INPP5A: variants seen among roughly 807,000 people sequenced by gnomAD.
INPP5A encodes the protein inositol polyphosphate-5-phosphatase A, also known as 43 kDa inositol polyphosphate 5-phophatase.
In INPP5A, 14 loss-of-function variants were observed where a neutral mutation model predicts 65.2. The observed-to-expected ratio is 0.21, with a 90% confidence interval of 0.14 to 0.34. The LOEUF is 0.34. Among genes scored for constraint, INPP5A ranks in the 10% least tolerant of loss-of-function variants. The pLI, the probability that INPP5A is intolerant of heterozygous loss-of-function variation, is 1.00. For synonymous variants in INPP5A, 207 were observed against 208.3 expected (o/e 0.99, Z 0.05); for missense variants, 431 against 545.6 (o/e 0.79, Z 2.09).
At chr10:132,751,502 G>A (rs112503818) in intron 11 of INPP5A, among the ~76,000 whole-genome samples, 22 of 152,356 alleles carry the variant, frequency 1.4e-4, no homozygotes, top group African/African-American at 4.8e-4. Flanking sequence ...CTCTGCCTGC[G>A]GGACTCTGGG....
Position 132,663,001 on chromosome 10 carries a change from TGTG to T in INPP5A, c.306+12501_306+12503del, listed in dbSNP as rs911663282. On this transcript the variant is annotated intron_variant, in intron 4 of 15. Transcript: ENST00000368594. The surrounding 1 kb of genome is among the most constrained non-coding windows in gnomAD (Gnocchi z 4.5). ...GCACTCTAGAAGGAAAATCTAGTCT[TGTG>T]GTGGATGGCTTGTGAGGGGTCAAAC... is the stretch of plus-strand genomic sequence containing the variant. Among the ~76,000 whole-genome samples, 4 of 152,136 alleles carry T rather than the reference TGTG, an allele frequency of 2.6e-5. No individual in the cohort carries two copies. The highest frequency in any genetic ancestry group is 7.2e-5 in the African/African-American group (3 of 41,430).
chr10:132,755,040 C>T (rs112148396), intron 11 of INPP5A, among the ~76,000 whole-genome samples: 2 of 149,990 alleles, frequency 1.3e-5, no homozygotes, highest in African/African-American at 4.9e-5. Flanking sequence ...TGTGTGTGAT[C>T]GTATGCATGT....
chr10:132,546,660 T>C lies in INPP5A; in HGVS notation c.75+8489T>C, dbSNP rs2070976808. On this transcript the variant is annotated intron_variant, in intron 1 of 15. Transcript: ENST00000368594. The surrounding 1 kb of genome is among the most constrained non-coding windows in gnomAD (Gnocchi z 5.7). The stretch of plus-strand genomic sequence containing the variant: ...CTGGATTGTCCTGGGCGTCTCTGTG[T>C]GGGGTCTCCTGGCTCCTGCAGATCT... Among the ~76,000 whole-genome samples, 3 of 152,142 alleles carry C rather than the reference T, an allele frequency of 2.0e-5. No individual in the cohort carries two copies. Among genetic ancestry groups the C allele is most frequent in the Non-Finnish European group, 4.4e-5 (3 of 68,002 alleles).
intron 8 of INPP5A, among the ~76,000 whole-genome samples, chr10:132,724,636 G>T (rs1252127261): frequency 6.6e-6 from 1 of 151,758 alleles, no homozygotes; most frequent in Non-Finnish European, 1.5e-5. Flanking sequence ...GCAGATGGGG[G>T]TTACTCATTC....
intron 1 of INPP5A, among the ~76,000 whole-genome samples, chr10:132,543,068 C>T (rs937694797): frequency 4.6e-5 from 7 of 152,082 alleles, no homozygotes; most frequent in East Asian, 3.9e-4. Flanking sequence ...CTCTGTCTCC[C>T]GGAGTGTTGG....
At position 132,550,613 on chromosome 10, in the gene INPP5A, GC is replaced by G. The variant is rs2071037576; in HGVS notation, c.75+12444del. 1.3e-5 allele frequency among the ~76,000 whole-genome samples: 2 copies of G among 152,250 alleles called. No individual in the cohort carries two copies. Among genetic ancestry groups the G allele is most frequent in the South Asian group, 4.1e-4 (2 of 4,838 alleles). On this transcript the variant is annotated intron_variant, in intron 1 of 15. Transcript: ENST00000368594. This position sits in a 1 kb window ranked among gnomAD's most constrained non-coding sequence, Gnocchi z 4.2. The stretch of plus-strand genomic sequence containing the variant: ...GAACCTTCTGAATGCAAGTGGCCAA[GC>G]CGGCATTCTGGCTGGGCTCGCTGGC...
chr10:132,613,228 C>T (rs1029683051), intron 2 of INPP5A, among the ~76,000 whole-genome samples: 3 of 152,218 alleles, frequency 2.0e-5, no homozygotes, highest in Non-Finnish European at 2.9e-5. Flanking sequence ...CTGTGACCTG[C>T]AGCCCCTGGA....
In INPP5A at chr10:132,637,904, TG is replaced by T. The variant is rs1023502891; in HGVS notation, c.118-7963del. ...CTCAGTTTGTGTGTGTACAATTTTT[TG>T]TCTTTTTTTTACAGCCGTTTTGTAG... On this transcript the variant is annotated intron_variant, in intron 2 of 15. Transcript: ENST00000368594. The surrounding 1 kb of genome is among the most constrained non-coding windows in gnomAD (Gnocchi z 4.1). Among the ~76,000 whole-genome samples, 8 of 152,220 alleles carry T rather than the reference TG, an allele frequency of 5.3e-5. No individual in the cohort carries two copies. Among genetic ancestry groups the T allele is most frequent in the Non-Finnish European group, 1.0e-4 (7 of 68,038 alleles).
intron 11 of INPP5A, among the ~76,000 whole-genome samples, chr10:132,757,141 A>G (rs1334998910): frequency 6.6e-6 from 1 of 152,254 alleles, no homozygotes; most frequent in Non-Finnish European, 1.5e-5. Flanking sequence ...ACGAGAAAAT[A>G]CATTTCAGTA....
At chr10:132,629,579 AG>A (rs1469478605) in intron 2 of INPP5A, among the ~76,000 whole-genome samples, 1 of 152,256 alleles carries the variant, frequency 6.6e-6, no homozygotes, top group Non-Finnish European at 1.5e-5. Context: ...GTGTGGCTCC[AG>A]GGTTGGTGCT....
rs143737158 is a variant in INPP5A at position 132,722,344 on chromosome 10, A to G, written c.648-4477A>G. On this transcript the variant is annotated intron_variant, in intron 8 of 15. Coordinates refer to ENST00000368594, the MANE Select transcript of INPP5A (RefSeq NM_005539.5). ...CTAGCAAGTTAGGTGTCCTGGTTGG[A>G]TGAATGTCTCACGGCCAGTTTGCTT... is the stretch of plus-strand genomic sequence containing the variant. Among the ~76,000 whole-genome samples, 1,087 of 152,216 alleles carry G rather than the reference A, an allele frequency of 7.1e-3. 7 individuals are homozygous for G. The highest frequency in any genetic ancestry group is 9.6e-3 in the Non-Finnish European group (655 of 68,008).
chr10:132,720,137 T>C (rs377220679), intron 8 of INPP5A, among the ~76,000 whole-genome samples: 10,855 of 111,520 alleles, frequency 0.097, 862 homozygotes, highest in African/African-American at 0.24. Flanking sequence ...GCACCTTAGA[T>C]GGCTGTCTTC....
intron 1 of INPP5A, among the ~76,000 whole-genome samples, chr10:132,593,458 C>G (rs2071644683): frequency 6.6e-6 from 1 of 152,236 alleles, no homozygotes; most frequent in Non-Finnish European, 1.5e-5. Flanking sequence ...CTATGTACAT[C>G]CGGAATTTTG....
At chr10:132,757,447 C>T (rs757646726) in intron 11 of INPP5A, among the ~76,000 whole-genome samples, 1 of 152,260 alleles carries the variant, frequency 6.6e-6, no homozygotes, top group Non-Finnish European at 1.5e-5. Flanking sequence ...ACGCCACCTG[C>T]GGTGGTCGGT....
chr10:132,614,429 T>C (rs1044017431), intron 2 of INPP5A, among the ~76,000 whole-genome samples: 4 of 152,206 alleles, frequency 2.6e-5, no homozygotes, highest in African/African-American at 9.6e-5. Flanking sequence ...ATTGCACCAC[T>C]GTACTCCAGC....
chr10:132,737,348 G>A (rs1189127422), intron 9 of INPP5A, among the ~76,000 whole-genome samples: 1 of 152,200 alleles, frequency 6.6e-6, no homozygotes, highest in Non-Finnish European at 1.5e-5. Context: ...CAGCATGGAT[G>A]GAAAGATGCA....
chr10:132,770,239 C>A (rs535839368), intron 12 of INPP5A, among the ~76,000 whole-genome samples: 1 of 152,218 alleles, frequency 6.6e-6, no homozygotes, highest in Non-Finnish European at 1.5e-5. Flanking sequence ...ACGGTACCCA[C>A]CCCCAGGTCA....
chr10:132,768,555 G>A (rs1846895071), intron 12 of INPP5A, among the ~76,000 whole-genome samples: 2 of 152,232 alleles, frequency 1.3e-5, no homozygotes, highest in Non-Finnish European at 2.9e-5. Context: ...TCGTCCACCT[G>A]CCGCCTCACA....
intron 11 of INPP5A, 148 bp from the exon 12 acceptor site, chr10:132,765,624 AC>A (rs1846827960): frequency 1.6e-6 from 1 of 633,424 alleles, no homozygotes; most frequent in African/African-American, 1.8e-5. Context: ...GCCTGCTGGC[AC>A]CACAGAGCTT....
Sources: gnomAD v4.1 joint callset for allele counts (sites outside exome capture counted in the v4.1 genomes callset) on GRCh38, gnomAD v4.1.1 for gene constraint, Gnocchi (gnomAD v3.1) non-coding constraint, MANE v1.5 for transcripts, NCBI Gene and HGNC (gene_info 2026-07-23, HGNC 2026-07-21) for gene names.